Variants in CGNL1 observed in about 807,000 individuals in gnomAD.
The protein encoded by CGNL1 is cingulin like 1.
Under a neutral mutation model 141.2 loss-of-function variants are expected in CGNL1, and 132 were observed. The observed-to-expected ratio is 0.93, with a 90% confidence interval of 0.81 to 1.08. CGNL1 has a LOEUF of 1.08. CGNL1 is among the 50% of genes least tolerant of loss of function. The probability of loss-of-function intolerance (pLI) is 0.00; values close to 1 mark genes in which losing one functional copy is unlikely to be tolerated. For synonymous variants in CGNL1, 690 were observed against 622.1 expected, an observed-to-expected ratio of 1.11 and a Z score of -1.63; for missense variants, 1,870 against 1,588.6, an observed-to-expected ratio of 1.18 and a Z score of -3.01.
intron 8 of CGNL1, among the ~76,000 whole-genome samples, chr15:57,481,025 T>C (rs1162921857): frequency 1.3e-5 from 2 of 151,696 alleles, no homozygotes; most frequent in Non-Finnish European, 1.5e-5. Context: ...ATAAATAGTA[T>C]GTTTGTTAGT....
At chr15:57,474,865 C>T (rs1214871243) in intron 8 of CGNL1, among the ~76,000 whole-genome samples, 2 of 152,162 alleles carry the variant, frequency 1.3e-5, no homozygotes, top group Non-Finnish European at 2.9e-5. Context: ...TGAATTTATT[C>T]CATGTACAGT....
At chr15:57,435,404 C>T (rs58698320) in intron 1 of CGNL1, among the ~76,000 whole-genome samples, 184 of 125,866 alleles carry the variant, frequency 1.5e-3, no homozygotes, top group African/African-American at 5.2e-3. Context: ...CTGAAATTTG[C>T]AGGTTTTTTT....
At position 57,438,849 on chromosome 15, in the gene CGNL1, G is replaced by A. The variant is rs1329628140; in HGVS notation, c.850G>A (p.Ala284Thr). 5.0e-6 allele frequency: 8 copies of A among 1,614,192 alleles called. No individual in the cohort carries two copies. Among genetic ancestry groups the A allele is most frequent in the Non-Finnish European group, 6.8e-6 (8 of 1,180,034 alleles). The change falls in exon 2 of 19, where the codon GCG (alanine) becomes ACG (threonine). Residue 284 changes from alanine (A) to threonine (T), a missense_variant. Transcript: ENST00000281282. ...TCTTCCCTTCCGGCGACAGGATTCA[G>A]CGGGACCCGTCCTGGATGGAGCTCG... Reference protein sequence around the residue: ...DVLPFRRQDSAGPVLDGARSR... With the variant: ...DVLPFRRQDSTGPVLDGARSR...
chr15:57,398,991 T>C (rs1397832714), intron 1 of CGNL1, among the ~76,000 whole-genome samples: 1 of 152,252 alleles, frequency 6.6e-6, no homozygotes, highest in Non-Finnish European at 1.5e-5. Flanking sequence ...GGCACATAAT[T>C]GTACATACTT....
At chr15:57,454,739 G>A (rs2063358616) in intron 7 of CGNL1, among the ~76,000 whole-genome samples, 1 of 152,050 alleles carries the variant, frequency 6.6e-6, no homozygotes, top group South Asian at 2.1e-4. Context: ...TACCAACTGG[G>A]ATTCCTCTTT....
At chr15:57,384,154 T>C (rs183148784) in intron 1 of CGNL1, among the ~76,000 whole-genome samples, 19 of 152,062 alleles carry the variant, frequency 1.2e-4, no homozygotes, top group African/African-American at 3.9e-4. Flanking sequence ...TAGCTGATTC[T>C]CCAGGCCTGG....
intron 8 of CGNL1, among the ~76,000 whole-genome samples, chr15:57,495,276 T>C (rs558170139): frequency 3.3e-5 from 5 of 152,326 alleles, no homozygotes; most frequent in Non-Finnish European, 7.4e-5. Flanking sequence ...TCAGCTCATT[T>C]ACCACCATGC....
At chr15:57,536,229 C>T (rs1034232203) in intron 14 of CGNL1, among the ~76,000 whole-genome samples, 4 of 152,160 alleles carry the variant, frequency 2.6e-5, no homozygotes, top group East Asian at 1.9e-4. Context: ...AACCTACCCC[C>T]GTGATTCAGT....
At chr15:57,452,491 A>C (rs2063333753) in intron 6 of CGNL1, among the ~76,000 whole-genome samples, 1 of 152,222 alleles carries the variant, frequency 6.6e-6, no homozygotes, top group Non-Finnish European at 1.5e-5. Context: ...GTAATTCTTA[A>C]CATTCTTTGT....
intron 9 of CGNL1, among the ~76,000 whole-genome samples, chr15:57,517,418 C>G (rs2030903531): frequency 6.6e-6 from 1 of 152,112 alleles, no homozygotes; most frequent in Non-Finnish European, 1.5e-5. Flanking sequence ...AGACCTCTAG[C>G]AGTGGGAAGC....
chr15:57,468,234 C>CTTTTTTTTT (rs57360097), intron 8 of CGNL1, among the ~76,000 whole-genome samples: 4 of 85,914 alleles, frequency 4.7e-5, no homozygotes, highest in African/African-American at 1.0e-4. Context: ...TTTTCTTTTT[C>CTTTTTTTTT]TTTTTTTTTT....
At chr15:57,403,288 C>T (rs2062679849) in intron 1 of CGNL1, among the ~76,000 whole-genome samples, 1 of 152,152 alleles carries the variant, frequency 6.6e-6, no homozygotes, top group Non-Finnish European at 1.5e-5. Flanking sequence ...ATGCTGGTTT[C>T]CCGGAAGCAT....
intron 8 of CGNL1, among the ~76,000 whole-genome samples, chr15:57,488,345 A>G (rs146827493): frequency 7.9e-4 from 120 of 152,194 alleles, no homozygotes; most frequent in African/African-American, 2.5e-3. Flanking sequence ...CCTTCTTCAG[A>G]TTGTCTTTTC....
chr15:57,446,848 A>G (rs2063259328), intron 4 of CGNL1, among the ~76,000 whole-genome samples: 1 of 152,096 alleles, frequency 6.6e-6, no homozygotes, highest in South Asian at 2.1e-4. Flanking sequence ...CAGTGGCTAT[A>G]TATCCTCTGT....
At chr15:57,379,904 G>C (rs1664469) in intron 1 of CGNL1, among the ~76,000 whole-genome samples, 148,101 of 152,296 alleles carry the variant, frequency 0.97, 72,103 homozygotes, top group East Asian at 1. Context: ...GGAAGGCTTA[G>C]TGTTTTCAGC....
intron 1 of CGNL1, among the ~76,000 whole-genome samples, chr15:57,411,435 TTTTTTC>T (rs2062785642): frequency 6.6e-6 from 1 of 151,582 alleles, no homozygotes; most frequent in African/African-American, 2.4e-5. Context: ...CTAGTTTTCT[TTTTTTC>T]TTTTTCTTTT....
chr15:57,529,518 T>A (rs1379397510), intron 13 of CGNL1, among the ~76,000 whole-genome samples: 1 of 148,446 alleles, frequency 6.7e-6, no homozygotes, highest in East Asian at 2.0e-4. Context: ...ATCTGAACTT[T>A]TAAAAAAGAA....
intron 1 of CGNL1, among the ~76,000 whole-genome samples, chr15:57,390,725 G>A (rs776490215): frequency 2.0e-5 from 3 of 152,214 alleles, no homozygotes; most frequent in South Asian, 2.1e-4. Context: ...GCTGGCATGC[G>A]CTGCCTCTCG....
At chr15:57,423,925 A>T (rs1226326737) in intron 1 of CGNL1, among the ~76,000 whole-genome samples, 2 of 152,220 alleles carry the variant, frequency 1.3e-5, no homozygotes. Context: ...GAGCCACCGC[A>T]GCTCGGTGCT....
Sources: allele counts gnomAD v4.1 joint callset (sites outside exome capture counted in the v4.1 genomes callset), GRCh38; gene constraint gnomAD v4.1.1; transcripts MANE v1.5; gene names NCBI Gene and HGNC (gene_info 2026-07-23, HGNC 2026-07-21).